Variants in TASOR observed in about 807,000 individuals in gnomAD.
TASOR encodes the protein transcription activation suppressor.
TASOR carries 53 observed loss-of-function variants against 178.6 expected under a neutral mutation model. The ratio of observed to expected loss-of-function variants is 0.30; its 90% CI spans 0.24 to 0.37. The LOEUF (loss-of-function observed/expected upper bound fraction) is 0.37, where lower values mean the gene tolerates loss of function less well. Among genes scored for constraint, TASOR ranks in the 10% least tolerant of loss-of-function variants. The pLI, the probability that TASOR is intolerant of heterozygous loss-of-function variation, is 1.00. For missense variants in TASOR, 1,815 were observed against 1,971.4 expected, an observed-to-expected ratio of 0.92 and a Z score of 1.50; for synonymous variants, 713 against 696.2, an observed-to-expected ratio of 1.02 and a Z score of -0.38.
At chr3:56,625,421 T>C (rs964641141) in intron 21 of TASOR, among the ~76,000 whole-genome samples, 10 of 152,136 alleles carry the variant, frequency 6.6e-5, no homozygotes, top group Admixed American at 5.9e-4. Flanking sequence ...GCCAAAGCAG[T>C]TGGATCACCT....
chr3:56,681,845 T>C (rs1578316951), intron 1 of TASOR, among the ~76,000 whole-genome samples: 1 of 152,186 alleles, frequency 6.6e-6, no homozygotes, highest in African/African-American at 2.4e-5. Flanking sequence ...TACAAGTAAT[T>C]AATGTAACTG....
At chr3:56,623,608 CAGTT>C (rs2076735938) in intron 23 of TASOR, 42 bp from the exon 24 acceptor site, 1 of 1,543,296 alleles carries the variant, frequency 6.5e-7, no homozygotes. Flanking sequence ...TTGAAATACA[CAGTT>C]TGTTTAAGTT....
Position 56,682,916 on chromosome 3 carries a change from G to A in TASOR, c.91C>T (p.Leu31Phe), listed in dbSNP as rs2031936359. Residue 31 changes from leucine (L) to phenylalanine (F), a missense_variant, in exon 1 of 24, where the codon CTT (leucine) becomes TTT (phenylalanine). Transcript: ENST00000683822. ...TGTTGGGAGGACTCAAGCTCCGGAA[G>A]CGCCTGCTTCATCTCGTCGTCTCCG... ...GGGDDEMKQALPELESSQQNG... is the reference protein window; with the variant it reads ...GGGDDEMKQAFPELESSQQNG... The A allele has an allele frequency of 1.3e-6, 2 of 1,539,442 alleles. No homozygotes were observed. The highest frequency in any genetic ancestry group is 2.7e-5 in the African/African-American group (2 of 72,862).
At chr3:56,682,040 G>A (rs1188743093) in intron 1 of TASOR, among the ~76,000 whole-genome samples, 1 of 152,068 alleles carries the variant, frequency 6.6e-6, no homozygotes, top group Non-Finnish European at 1.5e-5. Flanking sequence ...ACAATACTAA[G>A]TTCGAATTTA....
intron 1 of TASOR, among the ~76,000 whole-genome samples, chr3:56,676,315 ACT>A (rs1465986290): frequency 6.6e-6 from 1 of 152,200 alleles, no homozygotes; most frequent in Admixed American, 6.5e-5. Context: ...TTTAAAATTG[ACT>A]CTTTCACAAA....
At chr3:56,624,786 T>C in intron 22 of TASOR, 42 bp downstream of exon 22, 1 of 1,592,038 alleles carries the variant, frequency 6.3e-7, no homozygotes, top group South Asian at 1.1e-5. Context: ...TTCATTCACA[T>C]TCCTATATTC....
rs112632967 is a variant in TASOR at position 56,621,000 on chromosome 3, AAGTTAGTT to A, written c.*2029_*2036del. The stretch of plus-strand genomic sequence containing the variant: ...ACCCTGTCTCTACTAAAAATACAAA[AAGTTAGTT>A]AGTTAGTTAGCCAGGCGTGGTGGTG... On this transcript the variant is annotated 3_prime_UTR_variant, in exon 24 of 24. Coordinates refer to ENST00000683822, the MANE Select transcript of TASOR (RefSeq NM_001365635.2). 6.6e-6 allele frequency: 1 copy of A among 150,396 alleles called. No individual in the cohort carries two copies. Among genetic ancestry groups the A allele is most frequent in the Admixed American group, 6.6e-5 (1 of 15,104 alleles). 9.3% of individuals were successfully genotyped at this position (150,396 alleles called of 1,614,324 possible).
Position 56,621,591 on chromosome 3 carries a change from A to G in TASOR, c.*1446T>C, listed in dbSNP as rs771808329. ...GTCTCCTGCCTTTAGCTGAAAATCA[A>G]GAAGAGAGTTTTGGTTCTTCATTTT... On this transcript the variant is annotated 3_prime_UTR_variant, in exon 24 of 24. Coordinates refer to ENST00000683822, the MANE Select transcript of TASOR (RefSeq NM_001365635.2). 7.2e-5 allele frequency: 115 copies of G among 1,600,160 alleles called. No homozygotes were observed. The highest frequency in any genetic ancestry group is 4.2e-4 in the Admixed American group (24 of 57,302).
chr3:56,678,177 A>AT (rs533306611), intron 1 of TASOR, among the ~76,000 whole-genome samples: 2,638 of 106,814 alleles, frequency 0.025, 130 homozygotes, highest in African/African-American at 0.06. Flanking sequence ...CACACTTATG[A>AT]TTTTTTTTTT....
chr3:56,627,828 C>T, intron 19 of TASOR, 87 bp from the exon 20 acceptor site: 1 of 1,198,260 alleles, frequency 8.3e-7, no homozygotes, highest in Non-Finnish European at 1.2e-6. Flanking sequence ...AGAAGTCTAA[C>T]AGAATGCATT....
Position 56,682,657 on chromosome 3 carries a change from G to A in TASOR, c.331+19C>T, listed in dbSNP as rs1340826759. 2.1e-6 allele frequency: 3 copies of A among 1,448,410 alleles called. No homozygotes were observed. The highest frequency in any genetic ancestry group is 2.7e-6 in the Non-Finnish European group (3 of 1,095,900). 89.7% of individuals were successfully genotyped at this position (1,448,410 alleles called of 1,614,324 possible). ...GGAGGGGAGAGAGAGAGGGGGTTGA[G>A]AAGAAGGGGAGGCACCACCTTTCTT... On this transcript the variant is annotated intron_variant, in intron 1 of 23. Coordinates refer to ENST00000683822, the MANE Select transcript of TASOR (RefSeq NM_001365635.2).
At chr3:56,663,936 C>T (rs1027047406) in intron 7 of TASOR, 4 of 862,220 alleles carry the variant, frequency 4.6e-6, no homozygotes, top group Non-Finnish European at 1.4e-6. Flanking sequence ...TAAATACATA[C>T]TAAGCTCTTA....
Position 56,623,199 on chromosome 3 carries a change from C to CT in TASOR, c.4850dup (p.Thr1618AspfsTer18). On this transcript the variant is annotated frameshift_variant, in exon 24 of 24. Transcript: ENST00000683822. LOFTEE classifies it high-confidence loss of function. ...GGGCATATGGTGTCCCCAAAAATGT[C>CT]TGATGAGTGAGAACATTAAAATGAC... 1 of 1,613,650 alleles carries CT rather than the reference C, an allele frequency of 6.2e-7. No homozygotes were observed. Among genetic ancestry groups the CT allele is most frequent in the East Asian group, 2.2e-5 (1 of 44,822 alleles).
chr3:56,658,875 C>G (rs1292207173), intron 11 of TASOR, among the ~76,000 whole-genome samples: 1 of 151,662 alleles, frequency 6.6e-6, no homozygotes, highest in Admixed American at 6.6e-5. Context: ...GACTGTGCCA[C>G]TGCGCTCCAG....
In TASOR at chr3:56,625,173, AGAAG is replaced by A. The variant is rs138024227; in HGVS notation, c.4140-171_4140-168del. Among the ~76,000 whole-genome samples, 357 of 152,348 alleles carry A rather than the reference AGAAG, an allele frequency of 2.3e-3. 3 individuals carry two copies. Among genetic ancestry groups the A allele is most frequent in the Non-Finnish European group, 3.7e-3 (252 of 68,024 alleles). Reference sequence around the variant, plus strand: ...GGTGTGCTTCTTTGGAAAGAAAGAAAGAAGGGATAAGTCCAGGGGTTTCTTGGTC... The same window carrying A: ...GGTGTGCTTCTTTGGAAAGAAAGAAAGGATAAGTCCAGGGGTTTCTTGGTC... On this transcript the variant is annotated intron_variant, in intron 21 of 23. Coordinates refer to ENST00000683822, the MANE Select transcript of TASOR (RefSeq NM_001365635.2).
intron 11 of TASOR, among the ~76,000 whole-genome samples, chr3:56,651,931 T>C (rs189620157): frequency 3.3e-5 from 5 of 152,158 alleles, no homozygotes; most frequent in Admixed American, 6.5e-5. Flanking sequence ...AGCCAAGAAA[T>C]AGAAATAACT....
rs7619518 is a variant in TASOR at position 56,620,220 on chromosome 3, T to G, written c.*2817A>C. On this transcript the variant is annotated 3_prime_UTR_variant, in exon 24 of 24. Coordinates refer to ENST00000683822, the MANE Select transcript of TASOR (RefSeq NM_001365635.2). ...GGCCCTAAAACAAAAAATACAGTTA[T>G]GCTTTAACAAATTCTTAGCAATGTG... The G allele has an allele frequency of 0.048, 8,205 of 171,240 alleles. 709 individuals are homozygous for G. The highest frequency in any genetic ancestry group is 0.18 in the African/African-American group (7,635 of 42,110). The allele number at this position is 171,240 out of a possible 1,614,324, so 10.6% of individuals were successfully genotyped here. A position where few individuals can be genotyped will look rare whatever the true frequency, so the allele number is the denominator to read the frequency against.
At position 56,633,402 on chromosome 3, in the gene TASOR, T is replaced by C. The variant is rs200916154; in HGVS notation, c.3389A>G (p.Asn1130Ser). 3.7e-6 allele frequency: 6 copies of C among 1,614,184 alleles called. No homozygotes were observed. The highest frequency in any genetic ancestry group is 2.7e-5 in the African/African-American group (2 of 75,048). ...ACACAGTGGCTCAAGGAGATGTTTA[T>C]TGTTGAAGTCACTTGAGGAAACTGG... ...VIPVSSSDFN[N>S]KHLLEPLCSD... The change falls in exon 18 of 24, where the codon AAT (asparagine) becomes AGT (serine). Residue 1130 changes from asparagine (N) to serine (S), a missense_variant. By Grantham distance (46) the Asn-to-Ser change is conservative. Around this residue, in one of 5 missense-constraint regions of TASOR, gnomAD observed 655 missense variants for 671.1 expected, o/e 0.98. Transcript: ENST00000683822.
intron 7 of TASOR, 64 bp downstream of exon 7, chr3:56,666,196 C>A: frequency 1.5e-6 from 2 of 1,319,160 alleles, no homozygotes; most frequent in South Asian, 2.2e-5. Context: ...CCTCCTAACT[C>A]AGTAGTACAG....
Sources: gnomAD v4.1 joint callset for allele counts (sites outside exome capture counted in the v4.1 genomes callset) on GRCh38, gnomAD v4.1.1 for gene constraint, gnomAD v4.1.1 regional missense constraint, MANE v1.5 for transcripts, NCBI Gene and HGNC (gene_info 2026-07-23, HGNC 2026-07-21) for gene names.